Variants in PINK1 observed in about 807,000 individuals in gnomAD.
The protein encoded by PINK1 is PTEN induced kinase 1.
In PINK1, 58 loss-of-function variants were observed where a neutral mutation model predicts 56.0. That is an observed-to-expected ratio of 1.04 (90% CI 0.84 to 1.29). PINK1 has a LOEUF of 1.29. Among genes scored for constraint, PINK1 ranks in the 50% most tolerant of loss-of-function variants. The pLI is 0.00. For synonymous variants in PINK1, 354 were observed against 339.3 expected, an observed-to-expected ratio of 1.04 and a Z score of -0.48; for missense variants, 745 against 777.9, an observed-to-expected ratio of 0.96 and a Z score of 0.50.
In PINK1 at chr1:20,650,845, T is replaced by A; in HGVS notation, c.*154T>A. 2 of 996,134 alleles carry A rather than the reference T, an allele frequency of 2.0e-6. No homozygotes were observed. The highest frequency in any genetic ancestry group is 3.0e-6 in the Non-Finnish European group (2 of 666,166). 61.7% of individuals were successfully genotyped at this position (996,134 alleles called of 1,614,324 possible). On this transcript the variant is annotated 3_prime_UTR_variant, in exon 8 of 8. Coordinates refer to ENST00000321556, the MANE Select transcript of PINK1 (RefSeq NM_032409.3). Reference sequence around the variant, plus strand: ...CCTCGGGCTTGGCAAATGGAAGAACTTGAGTGAGAGTTCAGTCTGCAGTCC... The same window carrying A: ...CCTCGGGCTTGGCAAATGGAAGAACATGAGTGAGAGTTCAGTCTGCAGTCC...
Position 20,633,613 on chromosome 1 carries a change from C to T in PINK1, c.65C>T (p.Thr22Met). ...QLGRALLLRF[T>M]GKPGRAYGLG... is the part of the protein sequence containing the mutation. ...GGTCGAGCGCTGCTGCTGCGCTTCA[C>T]GGGCAAGCCCGGCCGGGCCTACGGC... Residue 22 changes from threonine (T) to methionine (M), a missense_variant, in exon 1 of 8, where the codon ACG (threonine) becomes ATG (methionine). Transcript: ENST00000321556. The T allele has an allele frequency of 7.8e-7, 1 of 1,283,746 alleles. No individual in the cohort carries two copies. Among genetic ancestry groups the T allele is most frequent in the Non-Finnish European group, 9.8e-7 (1 of 1,021,800 alleles). The allele number at this position is 1,283,746 out of a possible 1,614,324, so 79.5% of individuals were successfully genotyped here.
Position 20,649,218 on chromosome 1 carries a change from G to T in PINK1, c.1475G>T (p.Arg492Leu). 1 of 1,614,036 alleles carries T rather than the reference G, an allele frequency of 6.2e-7. No individual in the cohort carries two copies. The highest frequency in any genetic ancestry group is 8.5e-7 in the Non-Finnish European group (1 of 1,179,944). The change falls in exon 7 of 8, where the codon CGA becomes CTA. Residue 492 changes from arginine (R) to leucine (L), a missense_variant. Arg to Leu is a moderately radical substitution (Grantham distance 102). Transcript: ENST00000321556. Reference sequence around the variant, plus strand: ...CAGTTGGTGAGGGCACTGCTCCAGCGAGAGGCCAGCAAGGTGAGGCTGTCC... The same window carrying T: ...CAGTTGGTGAGGGCACTGCTCCAGCTAGAGGCCAGCAAGGTGAGGCTGTCC... The part of the protein sequence containing the change: ...VRQLVRALLQ[R>L]EASKRPSARV...
In PINK1 at chr1:20,640,010, G is replaced by T; in HGVS notation, c.776+18G>T. On this transcript the variant is annotated intron_variant, in intron 3 of 7. Transcript: ENST00000321556. ...ACTTACAGGTAAGTGCCCTCTGCCTGCCAGACTGACTGGGACTTCTTTGAG... is the reference window on the plus strand; with the variant it reads ...ACTTACAGGTAAGTGCCCTCTGCCTTCCAGACTGACTGGGACTTCTTTGAG... The T allele has an allele frequency of 6.3e-7, 1 of 1,583,322 alleles. No individual in the cohort carries two copies.
chr1:20,636,256 G>GT (rs994636001), intron 1 of PINK1, among the ~76,000 whole-genome samples: 11 of 150,190 alleles, frequency 7.3e-5, no homozygotes, highest in Admixed American at 2.0e-4. Flanking sequence ...ACTATAATAT[G>GT]TATGTTCCAT....
At chr1:20,645,452 G>A (rs1300923949) in intron 4 of PINK1, 108 bp from the exon 5 acceptor site, 9 of 1,270,598 alleles carry the variant, frequency 7.1e-6, no homozygotes, top group Non-Finnish European at 7.7e-6. Context: ...TCGTGCTACT[G>A]CACTCCAGCT....
chr1:20,636,350 CT>C lies in PINK1; in HGVS notation c.388-1480del, dbSNP rs915401985. On this transcript the variant is annotated intron_variant, in intron 1 of 7. Coordinates refer to ENST00000321556, the MANE Select transcript of PINK1 (RefSeq NM_032409.3). Reference sequence around the variant, plus strand: ...AGTTTATAAGGGAAGTTGGATTTTCCTTTTTTTTTTTTGATACGGAGTCTCA... The same window carrying C: ...AGTTTATAAGGGAAGTTGGATTTTCCTTTTTTTTTTTGATACGGAGTCTCA... 1.6e-3 allele frequency among the ~76,000 whole-genome samples: 230 copies of C among 144,004 alleles called. 1 individual carries two copies. Among genetic ancestry groups the C allele is most frequent in the Middle Eastern group, 3.5e-3 (1 of 284 alleles). 94.5% of individuals were successfully genotyped at this position (144,004 alleles called of 152,430 possible).
intron 1 of PINK1, among the ~76,000 whole-genome samples, chr1:20,634,194 CA>C (rs775890045): frequency 2.4e-4 from 37 of 152,338 alleles, no homozygotes; most frequent in Non-Finnish European, 5.1e-4. Flanking sequence ...CGCAGCACAG[CA>C]AAAGGCTTTG....
At chr1:20,638,282 C>T in intron 2 of PINK1, 153 bp downstream of exon 2, 1 of 833,092 alleles carries the variant, frequency 1.2e-6, no homozygotes, top group Non-Finnish European at 1.8e-6. Context: ...CCCTGTTACA[C>T]AGAAGTCTAA....
Position 20,633,729 on chromosome 1 carries a change from C to T in PINK1, c.181C>T (p.Leu61Phe). Reference sequence around the variant, plus strand: ...GGGCGCGGAGCCTCGCAGGGTCGGGCTCGGGCTCCCTAACCGTCTCCGCTT... The same window carrying T: ...GGGCGCGGAGCCTCGCAGGGTCGGGTTCGGGCTCCCTAACCGTCTCCGCTT... ...GPGAEPRRVG[L>F]GLPNRLRFFR... The change falls in exon 1 of 8, where the codon CTC becomes TTC. Residue 61 changes from leucine (L) to phenylalanine (F), a missense_variant. Coordinates refer to ENST00000321556, the MANE Select transcript of PINK1 (RefSeq NM_032409.3). The T allele has an allele frequency of 6.5e-7, 1 of 1,533,360 alleles. No homozygotes were observed. Among genetic ancestry groups the T allele is most frequent in the Non-Finnish European group, 8.7e-7 (1 of 1,145,652 alleles). 95.0% of individuals were successfully genotyped at this position (1,533,360 alleles called of 1,614,324 possible).
At chr1:20,635,348 A>T (rs770143245) in intron 1 of PINK1, among the ~76,000 whole-genome samples, 10 of 151,594 alleles carry the variant, frequency 6.6e-5, no homozygotes, top group African/African-American at 9.7e-5. Flanking sequence ...TAAAAATACA[A>T]AAATTACCCG....
At chr1:20,633,959 C>A (rs753621873) in intron 1 of PINK1, 24 bp downstream of exon 1, 8 of 1,505,462 alleles carry the variant, frequency 5.3e-6, no homozygotes, top group Admixed American at 1.9e-5. Flanking sequence ...GGTCCTAAGC[C>A]GAGCGGAGGA....
At position 20,641,411 on chromosome 1, in the gene PINK1, C is replaced by G. The variant is rs1002939018; in HGVS notation, c.776+1419C>G. Among the ~76,000 whole-genome samples the G allele has an allele frequency of 2.2e-4, 34 of 152,166 alleles. No homozygotes were observed. Among genetic ancestry groups the G allele is most frequent in the Non-Finnish European group, 4.6e-4 (31 of 68,034 alleles). Reference sequence around the variant, plus strand: ...ACCATGATGTCTGCTGCTGAGACCTCCCATCTGACATAGTCCCTGTCCCTC... The same window carrying G: ...ACCATGATGTCTGCTGCTGAGACCTGCCATCTGACATAGTCCCTGTCCCTC... On this transcript the variant is annotated intron_variant, in intron 3 of 7. Coordinates refer to ENST00000321556, the MANE Select transcript of PINK1 (RefSeq NM_032409.3). This position sits in a 1 kb window ranked among gnomAD's most constrained non-coding sequence, Gnocchi z 4.0.
intron 5 of PINK1, among the ~76,000 whole-genome samples, chr1:20,648,052 T>C (rs939250591): frequency 2.0e-5 from 3 of 152,054 alleles, no homozygotes; most frequent in African/African-American, 7.2e-5. Context: ...TGACCTCAGG[T>C]GATCTACCCG....
At chr1:20,648,679 T>C (rs763812730) in intron 6 of PINK1, 47 bp downstream of exon 6, 15 of 1,608,866 alleles carry the variant, frequency 9.3e-6, no homozygotes, top group South Asian at 8.8e-5. Flanking sequence ...TTCCCCCACA[T>C]GTCCACTGAA....
chr1:20,635,843 C>T (rs1032543357), intron 1 of PINK1, among the ~76,000 whole-genome samples: 2 of 140,392 alleles, frequency 1.4e-5, no homozygotes, highest in East Asian at 4.1e-4. Context: ...AGTGAGACTC[C>T]GTCTCAAAAA....
At position 20,633,642 on chromosome 1, in the gene PINK1, G is replaced by T; in HGVS notation, c.94G>T (p.Gly32Trp). 1 of 1,327,522 alleles carries T rather than the reference G, an allele frequency of 7.5e-7. No individual in the cohort carries two copies. Among genetic ancestry groups the T allele is most frequent in the East Asian group, 3.2e-5 (1 of 31,524 alleles). 82.2% of individuals were successfully genotyped at this position (1,327,522 alleles called of 1,614,324 possible). ...TGKPGRAYGL[G>W]RPGPAAGCVR... ...CAAGCCCGGCCGGGCCTACGGCTTG[G>T]GGCGGCCGGGCCCGGCGGCGGGCTG... Residue 32 changes from glycine (G) to tryptophan (W), a missense_variant, in exon 1 of 8, where the codon GGG becomes TGG. By Grantham distance (184) the Gly-to-Trp change is radical. Transcript: ENST00000321556.
rs772510148 is a variant in PINK1 at position 20,644,551 on chromosome 1, G to A, written c.838G>A (p.Ala280Thr). The change falls in exon 4 of 8, where the codon GCC becomes ACC. Residue 280 changes from alanine (A) to threonine (T), a missense_variant. Coordinates refer to ENST00000321556, the MANE Select transcript of PINK1 (RefSeq NM_032409.3). ...CCCCAACATCATCCGGGTTCTCCGC[G>A]CCTTCACCTCTTCCGTGCCGCTGCT... ...PHPNIIRVLR[A>T]FTSSVPLLPG... 29 of 1,614,074 alleles carry A rather than the reference G, an allele frequency of 1.8e-5. No individual in the cohort carries two copies. In the East Asian group the frequency reaches 3.3e-4, roughly 19 times the overall value.
chr1:20,650,927 G>A lies in PINK1; in HGVS notation c.*236G>A. On this transcript the variant is annotated 3_prime_UTR_variant, in exon 8 of 8. Transcript: ENST00000321556. ...CAAGCTGGTCTAGTAGATGAGGCTG[G>A]ACTGAGGAGGGGTAGGCCTGCATCC... 4 of 576,374 alleles carry A rather than the reference G, an allele frequency of 6.9e-6. No homozygotes were observed. The highest frequency in any genetic ancestry group is 1.2e-5 in the Non-Finnish European group (4 of 323,976). 35.7% of individuals were successfully genotyped at this position (576,374 alleles called of 1,614,324 possible). A position where few individuals can be genotyped will look rare whatever the true frequency, so the allele number is the denominator to read the frequency against.
At chr1:20,637,494 G>C (rs2053068197) in intron 1 of PINK1, among the ~76,000 whole-genome samples, 1 of 152,222 alleles carries the variant, frequency 6.6e-6, no homozygotes, top group Admixed American at 6.5e-5. Context: ...GGTCTTTGCA[G>C]AGCGAGCTGT....
Sources: gnomAD v4.1 joint callset for allele counts (sites outside exome capture counted in the v4.1 genomes callset) on GRCh38, gnomAD v4.1.1 for gene constraint, Gnocchi (gnomAD v3.1) non-coding constraint, MANE v1.5 for transcripts, NCBI Gene and HGNC (gene_info 2026-07-23, HGNC 2026-07-21) for gene names.